Variants in KLHL3 observed in about 807,000 individuals in gnomAD.
The protein encoded by KLHL3 is kelch like family member 3, also known as kelch-like protein 3.
In KLHL3, 19 loss-of-function variants were observed where a neutral mutation model predicts 70.5. The ratio of observed to expected loss-of-function variants is 0.27; its 90% CI spans 0.19 to 0.40. KLHL3 has a LOEUF of 0.40. Among genes scored for constraint, KLHL3 ranks in the 10% least tolerant of loss-of-function variants. KLHL3 has a pLI of 1.00. For missense variants in KLHL3, 512 were observed against 771.1 expected (o/e 0.66, Z 3.98); for synonymous variants, 258 against 290.3 (o/e 0.89, Z 1.13).
rs1281449457 is a variant in KLHL3 at position 137,621,111 on chromosome 5, G to T, written c.*987C>A. 3.3e-5 allele frequency: 5 copies of T among 152,580 alleles called. No individual in the cohort carries two copies. The highest frequency in any genetic ancestry group is 7.2e-5 in the African/African-American group (3 of 41,424). 9.5% of individuals were successfully genotyped at this position (152,580 alleles called of 1,614,324 possible). On this transcript the variant is annotated 3_prime_UTR_variant, in exon 15 of 15. Coordinates refer to ENST00000309755, the MANE Select transcript of KLHL3 (RefSeq NM_017415.3). ...ATGGGGTGCTGTGAATAATTAAACT[G>T]GGATAATAAGTATAAATGGGGACTG... is the stretch of plus-strand genomic sequence containing the variant.
chr5:137,665,963 G>A (rs982574932), intron 6 of KLHL3, among the ~76,000 whole-genome samples: 1 of 152,148 alleles, frequency 6.6e-6, no homozygotes, highest in African/African-American at 2.4e-5. Flanking sequence ...TAACCTATAT[G>A]TGTACAAACA....
intron 4 of KLHL3, among the ~76,000 whole-genome samples, chr5:137,692,994 A>C (rs751589160): frequency 4.3e-4 from 65 of 152,184 alleles, no homozygotes; most frequent in Non-Finnish European, 8.4e-4. Flanking sequence ...AAAGCTCCCC[A>C]GGTGCTTCTA....
At chr5:137,716,139 C>A (rs1189130865) in intron 2 of KLHL3, among the ~76,000 whole-genome samples, 1 of 151,928 alleles carries the variant, frequency 6.6e-6, no homozygotes, top group Non-Finnish European at 1.5e-5. Flanking sequence ...TATCATTGAT[C>A]CACTTAATAT....
At chr5:137,630,794 C>T (rs999597594) in intron 12 of KLHL3, among the ~76,000 whole-genome samples, 41 of 152,156 alleles carry the variant, frequency 2.7e-4, no homozygotes, top group African/African-American at 7.9e-4. Context: ...ACAGCAGACC[C>T]AGCACCAAGT....
In KLHL3 at chr5:137,638,963, A is replaced by G; in HGVS notation, c.1209T>C (p.Asp403=). The G allele has an allele frequency of 6.2e-7, 1 of 1,614,080 alleles. No homozygotes were observed. The highest frequency in any genetic ancestry group is 8.5e-7 in the Non-Finnish European group (1 of 1,179,962). The change falls in exon 10 of 15, where the codon GAT becomes GAC. Residue 403 remains aspartate, a synonymous_variant. Transcript: ENST00000309755. ...NDLLYAVGGF[D]GSTGLASVEA... ...ACACCCTAAACCTACCAGTACTGCC[A>G]TCAAAGCCTCCCACTGCGTAGAGCA... is the stretch of plus-strand genomic sequence containing the variant.
At position 137,675,853 on chromosome 5, in the gene KLHL3, C is replaced by T. The variant is rs147044273; in HGVS notation, c.636+1692G>A. 2.2e-4 allele frequency among the ~76,000 whole-genome samples: 34 copies of T among 152,336 alleles called. 1 individual carries two copies. In the East Asian group the frequency reaches 6.2e-3, roughly 28 times the overall value. ...TCAAATCCTGCTGTTTATATGAGTG[C>T]TTCCATTTTCTCACTCTACACTTAG... On this transcript the variant is annotated intron_variant, in intron 6 of 14. Transcript: ENST00000309755.
chr5:137,720,727 T>C, intron 1 of KLHL3, 143 bp from the exon 2 acceptor site: 2 of 1,474,036 alleles, frequency 1.4e-6, no homozygotes, highest in East Asian at 2.4e-5. Flanking sequence ...GGAAAGACAA[T>C]GTACTGGGAA....
At chr5:137,640,240 GA>G (rs1750879697) in intron 8 of KLHL3, among the ~76,000 whole-genome samples, 1 of 152,224 alleles carries the variant, frequency 6.6e-6, no homozygotes, top group Non-Finnish European at 1.5e-5. Context: ...GTGGGTATGT[GA>G]AGCCGCACAG....
At chr5:137,664,826 T>A (rs2349032) in intron 6 of KLHL3, among the ~76,000 whole-genome samples, 59,398 of 151,484 alleles carry the variant, frequency 0.39, 11,902 homozygotes, top group East Asian at 0.45. Flanking sequence ...TTTAAAAAAA[T>A]AATAATAATA....
At chr5:137,634,248 A>G (rs1274241635) in intron 11 of KLHL3, 83 bp from the exon 12 acceptor site, 11 of 1,452,142 alleles carry the variant, frequency 7.6e-6, no homozygotes, top group African/African-American at 2.8e-5. Flanking sequence ...TCTGCAACCA[A>G]CTGGGGCACC....
chr5:137,729,656 T>C (rs1031144528), intron 1 of KLHL3, among the ~76,000 whole-genome samples: 4 of 152,276 alleles, frequency 2.6e-5, no homozygotes, highest in African/African-American at 9.6e-5. Flanking sequence ...CATGAGGTCA[T>C]TGGCATGACT....
Position 137,639,055 on chromosome 5 carries a change from G to C in KLHL3, c.1117C>G (p.Gln373Glu), listed in dbSNP as rs1750842389. ...TVDVYDGVKD[Q>E]WTSIASMQER... ...TGCATGCTGGCAATGGACGTCCACT[G>C]GTCCTTCACGCCGTCATACACATCC... The change falls in exon 10 of 15, where the codon CAG becomes GAG. Residue 373 changes from glutamine (Q) to glutamate (E), a missense_variant. By Grantham distance (29) the Gln-to-Glu change is conservative (BLOSUM62 2). Transcript: ENST00000309755. This position sits in a 1 kb window ranked among gnomAD's most constrained non-coding sequence, Gnocchi z 5.0. 1.2e-6 allele frequency: 2 copies of C among 1,614,118 alleles called. No homozygotes were observed. Among genetic ancestry groups the C allele is most frequent in the Non-Finnish European group, 1.7e-6 (2 of 1,180,008 alleles).
Position 137,622,119 on chromosome 5 carries a change from G to A in KLHL3, c.1743C>T (p.Ala581=), listed in dbSNP as rs143861173. The part of the protein sequence containing the change: ...MSTGRSYAGV[A]VIHKSL ...TGGGTCACAAGGACTTGTGAATCAC[G>A]GCAACACCTAATAAGAAAGGGGGAG... The change falls in exon 15 of 15, where the codon GCC becomes GCT. Residue 581 remains alanine (A), a synonymous_variant. Transcript: ENST00000309755. The A allele has an allele frequency of 1.8e-4, 295 of 1,614,156 alleles. No homozygotes were observed. The highest frequency in any genetic ancestry group is 2.3e-4 in the Non-Finnish European group (272 of 1,180,016).
intron 3 of KLHL3, among the ~76,000 whole-genome samples, chr5:137,707,070 A>G (rs554841863): frequency 6.6e-6 from 1 of 152,346 alleles, no homozygotes; most frequent in Non-Finnish European, 1.5e-5. Context: ...GGAGTCAGAC[A>G]GGCCAAAAGA....
intron 12 of KLHL3, chr5:137,628,740 T>C (rs111694217): frequency 1.9e-5 from 3 of 154,926 alleles, no homozygotes; most frequent in Admixed American, 6.4e-5. Flanking sequence ...CAGACATACA[T>C]ACATACATAC....
Position 137,720,567 on chromosome 5 carries a change from T to C in KLHL3, c.32A>G (p.Gln11Arg), listed in dbSNP as rs1018379932. The C allele has an allele frequency of 3.1e-6, 5 of 1,613,992 alleles. No homozygotes were observed. In the African/African-American group the frequency reaches 6.7e-5, roughly 22 times the overall value. Residue 11 changes from glutamine (Q) to arginine (R), a missense_variant, in exon 2 of 15, where the codon CAG (glutamine) becomes CGG (arginine). Physicochemically the swap from Gln to Arg is conservative, Grantham distance 43. Coordinates refer to ENST00000309755, the MANE Select transcript of KLHL3 (RefSeq NM_017415.3). Reference protein sequence around the residue: MEGESVKLSSQTLIQAGDDEK... With the variant: MEGESVKLSSRTLIQAGDDEK... The stretch of plus-strand genomic sequence containing the variant: ...ATCATCCCCAGCCTGTATCAGAGTC[T>C]GGGAGCTCAGCTTGACACTGTGAAC...
Position 137,621,905 on chromosome 5 carries a change from C to A in KLHL3, c.*193G>T. 1 of 646,082 alleles carries A rather than the reference C, an allele frequency of 1.5e-6. No homozygotes were observed. The allele number at this position is 646,082 out of a possible 1,614,324, so 40.0% of individuals were successfully genotyped here. On this transcript the variant is annotated 3_prime_UTR_variant, in exon 15 of 15. Transcript: ENST00000309755. ...TTGCTCAGGGCATAGGCCAGAGCAC[C>A]TCAGGGGAACGGGGGTGGGTAATGG...
At chr5:137,634,200 G>A in intron 11 of KLHL3, 35 bp from the exon 12 acceptor site, 1 of 1,568,448 alleles carries the variant, frequency 6.4e-7, no homozygotes, top group Non-Finnish European at 8.7e-7. Flanking sequence ...GTGGTGCCAG[G>A]GATACTGGCA....
At chr5:137,657,967 G>A (rs1477704900) in intron 8 of KLHL3, among the ~76,000 whole-genome samples, 164 bp downstream of exon 8, 1 of 152,178 alleles carries the variant, frequency 6.6e-6, no homozygotes, top group Non-Finnish European at 1.5e-5. Flanking sequence ...GAAGAGAGAG[G>A]TACCAGCAGA....
Sources: gnomAD v4.1 joint callset for allele counts (sites outside exome capture counted in the v4.1 genomes callset) on GRCh38, gnomAD v4.1.1 for gene constraint, Gnocchi (gnomAD v3.1) non-coding constraint, MANE v1.5 for transcripts, NCBI Gene and HGNC (gene_info 2026-07-23, HGNC 2026-07-21) for gene names.